The following DYNLL1 variants were observed in gnomAD, a reference collection of about 807,000 sequenced individuals.
DYNLL1 encodes dynein light chain LC8-type 1, also known as dynein light chain 1, cytoplasmic.
A neutral mutation model predicts 10.1 loss-of-function variants in DYNLL1; 3 were observed. The ratio of observed to expected loss-of-function variants is 0.30; its 90% CI spans 0.14 to 0.77. The LOEUF (loss-of-function observed/expected upper bound fraction) is 0.77, where lower values mean the gene tolerates loss of function less well. DYNLL1 is among the 30% of genes least tolerant of loss of function. The pLI is 0.66. For synonymous variants in DYNLL1, 46 were observed against 41.2 expected (o/e 1.12, Z -0.45); for missense variants, 47 against 111.7 (o/e 0.42, Z 2.61).
intron 1 of DYNLL1, among the ~76,000 whole-genome samples, chr12:120,474,672 A>G (rs772230909): frequency 3.3e-5 from 5 of 152,192 alleles, no homozygotes; most frequent in African/African-American, 7.2e-5. Context: ...CTGTGACATC[A>G]GTCCCCTCTG....
chr12:120,493,372 T>C (rs141291346), upstream of DYNLL1, among the ~76,000 whole-genome samples: 3,073 of 151,852 alleles, frequency 0.02, 101 homozygotes, highest in African/African-American at 0.07. Context: ...ACCCTGTCTC[T>C]ACAAAAATAG....
At chr12:120,487,361 C>T (rs561714331) in intron 1 of DYNLL1, among the ~76,000 whole-genome samples, 162 of 118,006 alleles carry the variant, frequency 1.4e-3, no homozygotes, top group Non-Finnish European at 2.3e-3. Flanking sequence ...GGCGCGATCT[C>T]GGCTCATTAC....
upstream of DYNLL1, among the ~76,000 whole-genome samples, chr12:120,492,571 AAAAT>A (rs1217689026): frequency 2.6e-5 from 4 of 152,322 alleles, no homozygotes; most frequent in African/African-American, 9.6e-5. The surrounding 1 kb of genome is among the most constrained non-coding windows in gnomAD (Gnocchi z 4.1). Context: ...CGTCTCAAAA[AAAAT>A]AAATAAATAA....
upstream of DYNLL1, among the ~76,000 whole-genome samples, chr12:120,492,556 G>A (rs1166916440): frequency 6.6e-6 from 1 of 152,086 alleles, no homozygotes; most frequent in East Asian, 1.9e-4. This position sits in a 1 kb window ranked among gnomAD's most constrained non-coding sequence, Gnocchi z 4.1. Flanking sequence ...GACAGAGCAA[G>A]AGTCCGTCTC....
At chr12:120,497,722 G>T in intron 2 of DYNLL1, 1 of 185,906 alleles carries the variant, frequency 5.4e-6, no homozygotes, top group Admixed American at 5.9e-5. Context: ...GGGTAGTTTA[G>T]TTCTCTACAC....
intron 2 of DYNLL1, chr12:120,497,168 G>C (rs979434187): frequency 6.3e-6 from 1 of 158,806 alleles, no homozygotes. Context: ...AGCAGTGCGT[G>C]CCTCTAGCTT....
In DYNLL1 at chr12:120,483,690, A is replaced by T. The variant is rs184949175; in HGVS notation, c.-6-12726A>T. Among the ~76,000 whole-genome samples, 39 of 152,284 alleles carry T rather than the reference A, an allele frequency of 2.6e-4. No individual in the cohort carries two copies. The East Asian group carries it at 6.4e-3, about 25-fold the overall frequency. The stretch of plus-strand genomic sequence containing the variant: ...GGGGCAAAGTTTGGGGTGAAAATAC[A>T]AATTTGAGAGTTGTGAGCCATGAAA... On this transcript the variant is annotated intron_variant, in intron 1 of 2. Transcript: ENST00000392509.
At chr12:120,496,880 G>A (rs1347090444) in intron 2 of DYNLL1, 4 of 527,084 alleles carry the variant, frequency 7.6e-6, no homozygotes, top group Admixed American at 7.4e-5. Context: ...TTCCGGAGGG[G>A]GGAGCTGCGT....
At chr12:120,476,356 G>A (rs1878751631) in intron 1 of DYNLL1, among the ~76,000 whole-genome samples, 1 of 151,760 alleles carries the variant, frequency 6.6e-6, no homozygotes, top group African/African-American at 2.4e-5. Flanking sequence ...TGAAAGCCAG[G>A]AAGCTTCTAG....
intron 1 of DYNLL1, 77 bp downstream of exon 1, chr12:120,496,293 C>T (rs1868393903): frequency 7.0e-7 from 1 of 1,418,754 alleles, no homozygotes; most frequent in Non-Finnish European, 9.5e-7. Context: ...TCCGCGTAGC[C>T]CGCGCTTCCT....
At chr12:120,474,816 G>A (rs541422819) in intron 1 of DYNLL1, among the ~76,000 whole-genome samples, 3 of 152,296 alleles carry the variant, frequency 2.0e-5, no homozygotes, top group South Asian at 2.1e-4. Context: ...AACTGGTCCC[G>A]CCTGGCAGGA....
exon 1 of DYNLL1, chr12:120,469,890 T>A (rs2137054045): frequency 4.4e-6 from 1 of 227,236 alleles, no homozygotes; most frequent in Admixed American, 5.7e-5. Flanking sequence ...GTGGATGCCA[T>A]CCCCGAGCGC....
At chr12:120,481,087 T>C in intron 1 of DYNLL1, among the ~76,000 whole-genome samples, 1 of 152,280 alleles carries the variant, frequency 6.6e-6, no homozygotes, top group East Asian at 1.9e-4. Flanking sequence ...TTTTTTCCTA[T>C]TTGTAGTTTA....
At chr12:120,489,290 C>T (rs1305941117) in intron 1 of DYNLL1, among the ~76,000 whole-genome samples, 1 of 152,210 alleles carries the variant, frequency 6.6e-6, no homozygotes, top group Non-Finnish European at 1.5e-5. Flanking sequence ...GACATCTCCA[C>T]TTGGAATATC....
rs764290785 is a variant in DYNLL1 at position 120,498,237 on chromosome 12, T to C, written c.*27T>C. ...AGCATGGACTGTGCCACACACCCAG[T>C]GATCCATCCAAAAACAAGGACTGCA... On this transcript the variant is annotated 3_prime_UTR_variant, in exon 3 of 3. Transcript: ENST00000242577. 3 of 1,592,696 alleles carry C rather than the reference T, an allele frequency of 1.9e-6. No individual in the cohort carries two copies. The highest frequency in any genetic ancestry group is 2.1e-4 in the Middle Eastern group (1 of 4,864).
chr12:120,490,839 T>C (rs1194343236), intron 1 of DYNLL1: 1 of 152,234 alleles, frequency 6.6e-6, no homozygotes, highest in African/African-American at 2.4e-5. Context: ...GTGCCAAGGT[T>C]GAGAAGTCCT....
intron 1 of DYNLL1, among the ~76,000 whole-genome samples, chr12:120,482,450 G>A (rs1011507948): frequency 1.4e-4 from 21 of 152,172 alleles, no homozygotes; most frequent in African/African-American, 5.1e-4. Context: ...AGCCTCTCAG[G>A]TAGCTGGGAC....
intron 1 of DYNLL1, among the ~76,000 whole-genome samples, chr12:120,475,421 G>T (rs1459004203): frequency 6.6e-6 from 1 of 152,106 alleles, no homozygotes; most frequent in South Asian, 2.1e-4. Context: ...CTGCCTCCCT[G>T]CCCCCTCAAC....
chr12:120,479,449 C>CAAAAAA (rs71076617), intron 1 of DYNLL1, among the ~76,000 whole-genome samples: 34 of 76,064 alleles, frequency 4.5e-4, no homozygotes, highest in African/African-American at 1.3e-3. Context: ...ACTCCGTCTC[C>CAAAAAA]AAAAAAAAAA....
Sources: gnomAD v4.1 joint callset for allele counts (sites outside exome capture counted in the v4.1 genomes callset) on GRCh38, gnomAD v4.1.1 for gene constraint, Gnocchi (gnomAD v3.1) non-coding constraint, MANE v1.5 for transcripts, NCBI Gene and HGNC (gene_info 2026-07-23, HGNC 2026-07-21) for gene names.